MAP7D1: variants seen among roughly 807,000 people sequenced by gnomAD.
MAP7D1 encodes MAP7 domain containing 1.
MAP7D1 carries 30 observed loss-of-function variants against 97.5 expected under a neutral mutation model. That is an observed-to-expected ratio of 0.31 (90% CI 0.23 to 0.42). The LOEUF is 0.42. Among genes scored for constraint, MAP7D1 ranks in the 10% least tolerant of loss-of-function variants. The pLI, the probability that MAP7D1 is intolerant of heterozygous loss-of-function variation, is 1.00. For synonymous variants in MAP7D1, 536 were observed against 477.1 expected, an observed-to-expected ratio of 1.12 and a Z score of -1.61; for missense variants, 1,184 against 1,179.5, an observed-to-expected ratio of 1.00 and a Z score of -0.06.
chr1:36,171,708 G>C, intron 3 of MAP7D1, 127 bp downstream of exon 3: 1 of 890,372 alleles, frequency 1.1e-6, no homozygotes, highest in Non-Finnish European at 1.8e-6. Context: ...CGAGGCGGGC[G>C]AATCACCTGA....
rs1423610710 is a variant in MAP7D1 at position 36,178,766 on chromosome 1, G to C, written c.1968G>C (p.Gln656His). The change falls in exon 11 of 17, where the codon CAG becomes CAC. Residue 656 changes from glutamine (Q) to histidine (H), a missense_variant. By Grantham distance (24) the Gln-to-His change is conservative. Coordinates refer to ENST00000474796, the MANE Select transcript of MAP7D1 (RefSeq NM_001388490.1). ...CGGAGGCCCGGAGGCGGGAGGAGCA[G>C]GAGGCACGAGAGAAGGCGCAGGCCG... ...REAEARRREE[Q>H]EAREKAQAEQ... 4 of 1,547,148 alleles carry C rather than the reference G, an allele frequency of 2.6e-6. No individual in the cohort carries two copies. In the Admixed American group the frequency reaches 7.9e-5, roughly 31 times the overall value.
chr1:36,178,323 G>A, intron 9 of MAP7D1, 96 bp from the exon 10 acceptor site: 2 of 1,482,166 alleles, frequency 1.3e-6, no homozygotes, highest in Non-Finnish European at 1.8e-6. Flanking sequence ...GGAGACTCCT[G>A]CCCTCAGCAG....
intron 1 of MAP7D1, among the ~76,000 whole-genome samples, chr1:36,158,538 C>G (rs1402408234): frequency 6.6e-6 from 1 of 152,148 alleles, no homozygotes; most frequent in East Asian, 1.9e-4. Context: ...TCCCAGTTAG[C>G]CATGTACTGG....
chr1:36,171,590 G>A lies in MAP7D1; in HGVS notation c.460+9G>A, dbSNP rs1644544220. 1 of 1,613,858 alleles carries A rather than the reference G, an allele frequency of 6.2e-7. No homozygotes were observed. The highest frequency in any genetic ancestry group is 1.1e-5 in the South Asian group (1 of 91,074). On this transcript the variant is annotated intron_variant, in intron 3 of 16. Coordinates refer to ENST00000474796, the MANE Select transcript of MAP7D1 (RefSeq NM_001388490.1). ...GCGGGCCAAGTACCTGGGTGAGTGA[G>A]CAGGAAGCCTCATCATCTTCTTCAT...
Position 36,176,669 on chromosome 1 carries a change from T to C in MAP7D1, c.1234-28T>C, listed in dbSNP as rs749202765. On this transcript the variant is annotated intron_variant, in intron 7 of 16. Transcript: ENST00000474796. This position sits in a 1 kb window ranked among gnomAD's most constrained non-coding sequence, Gnocchi z 6.1. ...ACGCGGGCGCTGCTGACCTCTACTCTCCTCTTCCGTTCCTCCTTCCCTGCC... is the reference window on the plus strand; with the variant it reads ...ACGCGGGCGCTGCTGACCTCTACTCCCCTCTTCCGTTCCTCCTTCCCTGCC... 9 of 1,605,840 alleles carry C rather than the reference T, an allele frequency of 5.6e-6. No individual in the cohort carries two copies. In the South Asian group the frequency reaches 1.0e-4, roughly 18 times the overall value.
intron 1 of MAP7D1, among the ~76,000 whole-genome samples, chr1:36,165,862 C>G (rs1204422802): frequency 6.6e-6 from 1 of 151,728 alleles, no homozygotes; most frequent in African/African-American, 2.4e-5. Context: ...TCCCGAGTAG[C>G]TGGGATTACA....
In MAP7D1 at chr1:36,178,607, C is replaced by G; in HGVS notation, c.1886+11C>G. ...GGCAGAAAGGGACAAGTGAGTGCGC[C>G]TCGGGGACTGAGGGGGCCCTCGTGG... is the stretch of plus-strand genomic sequence containing the variant. On this transcript the variant is annotated intron_variant, in intron 10 of 16. Transcript: ENST00000474796. The G allele has an allele frequency of 1.9e-6, 3 of 1,567,762 alleles. No individual in the cohort carries two copies. The highest frequency in any genetic ancestry group is 2.6e-6 in the Non-Finnish European group (3 of 1,159,668).
Position 36,159,182 on chromosome 1 carries a change from C to T in MAP7D1, c.46+2719C>T, listed in dbSNP as rs371190816. Among the ~76,000 whole-genome samples, 2 of 152,050 alleles carry T rather than the reference C, an allele frequency of 1.3e-5. No individual in the cohort carries two copies. Among genetic ancestry groups the T allele is most frequent in the Non-Finnish European group, 2.9e-5 (2 of 68,002 alleles). ...AAGCGATTCTCTTGCCTCAGCCTCC[C>T]GAGTAGCTGGGATTACAGGCGCCTG... On this transcript the variant is annotated intron_variant, in intron 1 of 16. Coordinates refer to ENST00000474796, the MANE Select transcript of MAP7D1 (RefSeq NM_001388490.1). The surrounding 1 kb of genome is among the most constrained non-coding windows in gnomAD (Gnocchi z 5.4).
Position 36,179,019 on chromosome 1 carries a change from C to T in MAP7D1, c.2124C>T (p.Arg708=). The T allele has an allele frequency of 6.5e-7, 1 of 1,548,172 alleles. No homozygotes were observed. Among genetic ancestry groups the T allele is most frequent in the Non-Finnish European group, 8.7e-7 (1 of 1,147,386 alleles). ...FQQQEQERQE[R]RKRLEEIMKR... is the part of the protein sequence containing the mutation. Reference sequence around the variant, plus strand: ...AGCAGGAGCAAGAGCGGCAAGAGCGCAGAAAGGTGTGCGGACCTGGGCGGG... The same window carrying T: ...AGCAGGAGCAAGAGCGGCAAGAGCGTAGAAAGGTGTGCGGACCTGGGCGGG... The change falls in exon 12 of 17, where the codon CGC becomes CGT. Residue 708 remains arginine, a synonymous_variant. Coordinates refer to ENST00000474796, the MANE Select transcript of MAP7D1 (RefSeq NM_001388490.1).
chr1:36,172,609 G>C lies in MAP7D1; in HGVS notation c.606G>C (p.Gln202His). The part of the protein sequence containing the change: ...RRAALEERQR[Q>H]KLEKNKERYE... ...CAGCCCTGGAGGAACGGCAGCGGCA[G>C]AAGCTCGAGAAAAACAAGGTGCGGG... is the stretch of plus-strand genomic sequence containing the variant. The change falls in exon 4 of 17, where the codon CAG becomes CAC. Residue 202 changes from glutamine to histidine, a missense_variant. Gln to His is a conservative substitution (Grantham distance 24). Coordinates refer to ENST00000474796, the MANE Select transcript of MAP7D1 (RefSeq NM_001388490.1). 6.4e-7 allele frequency: 1 copy of C among 1,569,982 alleles called. No individual in the cohort carries two copies. The highest frequency in any genetic ancestry group is 8.7e-7 in the Non-Finnish European group (1 of 1,147,694).
Position 36,176,719 on chromosome 1 carries a change from A to G in MAP7D1, c.1256A>G (p.Asp419Gly), listed in dbSNP as rs553220825. Residue 419 changes from aspartate (D) to glycine (G), a missense_variant, in exon 8 of 17, where the codon GAC (aspartate) becomes GGC (glycine). Asp to Gly is a moderately conservative substitution (Grantham distance 94). Transcript: ENST00000474796. The surrounding 1 kb of genome is among the most constrained non-coding windows in gnomAD (Gnocchi z 6.1). ...ASPVQKKEKKDKERENEKEKS... is the reference protein window; with the variant it reads ...ASPVQKKEKKGKERENEKEKS... ...CAGGTGCAGAAAAAGGAGAAGAAGG[A>G]CAAGGAGCGGGAAAACGAGAAGGAG... 1.2e-6 allele frequency: 2 copies of G among 1,604,084 alleles called. No homozygotes were observed. Among genetic ancestry groups the G allele is most frequent in the East Asian group, 2.2e-5 (1 of 44,514 alleles).
At chr1:36,157,504 A>C (rs1368706259) in intron 1 of MAP7D1, among the ~76,000 whole-genome samples, 1 of 152,064 alleles carries the variant, frequency 6.6e-6, no homozygotes, top group African/African-American at 2.4e-5. Context: ...GGGGGTGGGG[A>C]CAGGTTTCTG....
chr1:36,180,284 A>G lies in MAP7D1; in HGVS notation c.*26A>G. ...GAGGGTTTGCCTTGGATCCGGGCAC[A>G]GTTGTGAGGGCTCCTCTGCATCACC... On this transcript the variant is annotated 3_prime_UTR_variant, in exon 17 of 17. Transcript: ENST00000474796. The G allele has an allele frequency of 6.2e-7, 1 of 1,614,124 alleles. No homozygotes were observed. Among genetic ancestry groups the G allele is most frequent in the South Asian group, 1.1e-5 (1 of 91,086 alleles).
chr1:36,156,437 C>T lies in MAP7D1; in HGVS notation c.20C>T (p.Ala7Val). 6.8e-7 allele frequency: 1 copy of T among 1,478,080 alleles called. No individual in the cohort carries two copies. The highest frequency in any genetic ancestry group is 8.9e-7 in the Non-Finnish European group (1 of 1,122,274). The allele number at this position is 1,478,080 out of a possible 1,614,324, so 91.6% of individuals were successfully genotyped here. MESGPRAELGAGAPPAV... is the reference protein window; with the variant it reads MESGPRVELGAGAPPAV... ...GCAGCCATGGAGAGCGGCCCGCGTGCGGAGCTGGGGGCGGGCGCACCCCCA... is the reference window on the plus strand; with the variant it reads ...GCAGCCATGGAGAGCGGCCCGCGTGTGGAGCTGGGGGCGGGCGCACCCCCA... Residue 7 changes from alanine (A) to valine (V), a missense_variant, in exon 1 of 17, where the codon GCG becomes GTG. Transcript: ENST00000474796.
rs1350352638 is a variant in MAP7D1, at chr1:36,156,451, G to T, written c.34G>T (p.Gly12Cys). Residue 12 changes from glycine (G) to cysteine (C), a missense_variant, in exon 1 of 17, where the codon GGC (glycine) becomes TGC (cysteine). Gly to Cys is a radical substitution (Grantham distance 159, BLOSUM62 -3). Transcript: ENST00000474796. ...CGGCCCGCGTGCGGAGCTGGGGGCG[G>T]GCGCACCCCCAGGTATGCCGGGAGC... ...ESGPRAELGA[G>C]APPAVVARTP... 5 of 1,472,564 alleles carry T rather than the reference G, an allele frequency of 3.4e-6. No homozygotes were observed. Among genetic ancestry groups the T allele is most frequent in the Admixed American group, 2.5e-5 (1 of 40,058 alleles). 91.2% of individuals were successfully genotyped at this position (1,472,564 alleles called of 1,614,324 possible).
In MAP7D1 at chr1:36,156,288, C is replaced by T; in HGVS notation, c.-130C>T. 1 of 696,314 alleles carries T rather than the reference C, an allele frequency of 1.4e-6. No individual in the cohort carries two copies. Among genetic ancestry groups the T allele is most frequent in the Non-Finnish European group, 2.1e-6 (1 of 477,080 alleles). The allele number at this position is 696,314 out of a possible 1,614,324, so 43.1% of individuals were successfully genotyped here. Reference sequence around the variant, plus strand: ...CTGCCTCGACCTTCCCCGGAGCGCCCCCGCCTCCGAGTCGCTACTTGCCGG... The same window carrying T: ...CTGCCTCGACCTTCCCCGGAGCGCCTCCGCCTCCGAGTCGCTACTTGCCGG... On this transcript the variant is annotated 5_prime_UTR_variant, in exon 1 of 17. Transcript: ENST00000474796.
At chr1:36,167,490 C>G (rs1644487202) in intron 1 of MAP7D1, among the ~76,000 whole-genome samples, 1 of 152,172 alleles carries the variant, frequency 6.6e-6, no homozygotes, top group South Asian at 2.1e-4. Context: ...GCATTTCCTC[C>G]TGGCAGAGAT....
At position 36,178,102 on chromosome 1, in the gene MAP7D1, A is replaced by G. The variant is rs200892098; in HGVS notation, c.1609A>G (p.Lys537Glu). The change falls in exon 9 of 17, where the codon AAG becomes GAG. Residue 537 changes from lysine (K) to glutamate (E), a missense_variant. Transcript: ENST00000474796. ...SQSKRRASNEKESAAPASPAP... is the reference protein window; with the variant it reads ...SQSKRRASNEEESAAPASPAP... ...GAGCAAGCGCAGGGCCAGTAACGAG[A>G]AGGAGTCAGCAGCCCCAGCCTCACC... The G allele has an allele frequency of 1.9e-5, 28 of 1,451,830 alleles. No homozygotes were observed. Among genetic ancestry groups the G allele is most frequent in the Non-Finnish European group, 2.6e-5 (28 of 1,073,516 alleles). The allele number at this position is 1,451,830 out of a possible 1,614,324, so 89.9% of individuals were successfully genotyped here. A position where few individuals can be genotyped will look rare whatever the true frequency, so the allele number is the denominator to read the frequency against.
chr1:36,180,316 G>A lies in MAP7D1; in HGVS notation c.*58G>A. On this transcript the variant is annotated 3_prime_UTR_variant, in exon 17 of 17. Coordinates refer to ENST00000474796, the MANE Select transcript of MAP7D1 (RefSeq NM_001388490.1). Reference sequence around the variant, plus strand: ...AGGGCTCCTCTGCATCACCTACCAGGATGTCTGGAGGAGAAAAAGACAGAA... The same window carrying A: ...AGGGCTCCTCTGCATCACCTACCAGAATGTCTGGAGGAGAAAAAGACAGAA... The A allele has an allele frequency of 6.2e-7, 1 of 1,611,938 alleles. No homozygotes were observed.
Sources: gnomAD v4.1 joint callset for allele counts (sites outside exome capture counted in the v4.1 genomes callset) on GRCh38, gnomAD v4.1.1 for gene constraint, Gnocchi (gnomAD v3.1) non-coding constraint, MANE v1.5 for transcripts, NCBI Gene and HGNC (gene_info 2026-07-23, HGNC 2026-07-21) for gene names.